The following IL1RAPL2 variants were observed in gnomAD, a reference collection of about 807,000 sequenced individuals.
The protein encoded by IL1RAPL2 is X-linked interleukin-1 receptor accessory protein-like 2.
Under a neutral mutation model 44.1 loss-of-function variants are expected in IL1RAPL2, and 3 were observed. The ratio of observed to expected loss-of-function variants is 0.07; its 90% CI spans 0.03 to 0.18. The LOEUF (loss-of-function observed/expected upper bound fraction) is 0.18, where lower values mean the gene tolerates loss of function less well. Ranked by LOEUF, IL1RAPL2 falls within the 10% of genes least tolerant of loss-of-function variation. The pLI, the probability that IL1RAPL2 is intolerant of heterozygous loss-of-function variation, is 1.00. For synonymous variants in IL1RAPL2, 181 were observed against 178.8 expected, an observed-to-expected ratio of 1.01 and a Z score of -0.10; for missense variants, 391 against 496.4, an observed-to-expected ratio of 0.79 and a Z score of 2.02.
chrX:105,389,454 A>G (rs768758075), intron 5 of IL1RAPL2, among the ~76,000 whole-genome samples: 1 of 112,135 alleles, frequency 8.9e-6, no homozygotes, highest in East Asian at 2.8e-4. Flanking sequence ...TAACTTGATT[A>G]TGTACAGTTG....
At chrX:105,341,799 C>T (rs779384885) in intron 5 of IL1RAPL2, among the ~76,000 whole-genome samples, 30 of 110,292 alleles carry the variant, frequency 2.7e-4, no homozygotes, top group African/African-American at 9.2e-4. Context: ...AGCATGGGGG[C>T]GGGAGCCTGT....
chrX:104,833,931 TGTTG>T (rs369950553), intron 2 of IL1RAPL2, among the ~76,000 whole-genome samples: 2 of 112,152 alleles, frequency 1.8e-5, no homozygotes, highest in Non-Finnish European at 3.8e-5. Context: ...CATTATGTTT[TGTTG>T]GTTGGTTGGT....
intron 5 of IL1RAPL2, among the ~76,000 whole-genome samples, chrX:105,372,215 C>T (rs915931278): frequency 9.0e-6 from 1 of 110,646 alleles, no homozygotes; most frequent in Admixed American, 9.7e-5. Flanking sequence ...GTGGGCAGAT[C>T]ACTTGAGTCC....
intron 2 of IL1RAPL2, among the ~76,000 whole-genome samples, chrX:104,897,089 C>T (rs765517095): frequency 1.8e-5 from 2 of 111,773 alleles, no homozygotes; most frequent in South Asian, 3.8e-4. Flanking sequence ...TCGAAGTCAG[C>T]GAGACCAAGA....
chrX:104,617,281 T>A (rs1281864049), intron 1 of IL1RAPL2, among the ~76,000 whole-genome samples: 1 of 112,096 alleles, frequency 8.9e-6, no homozygotes, highest in East Asian at 2.8e-4. Flanking sequence ...CTGTCTCTTC[T>A]CTAGCCATCT....
Position 104,702,657 on chromosome X carries a change from T to C in IL1RAPL2, c.82+43662T>C, listed in dbSNP as rs190002375. 3.0e-4 allele frequency among the ~76,000 whole-genome samples: 33 copies of C among 111,810 alleles called. No individual in the cohort carries two copies. The East Asian group carries it at 9.4e-3, about 32-fold the overall frequency. On this transcript the variant is annotated intron_variant, in intron 2 of 10. Transcript: ENST00000372582. ...AAAGTTGCCATAATGCTTTGTAGAA[T>C]GTGCTAGTGCACCATCTTGCTTCTG... is the stretch of plus-strand genomic sequence containing the variant.
At chrX:105,276,697 C>T (rs1311255100) in intron 5 of IL1RAPL2, among the ~76,000 whole-genome samples, 8 of 112,293 alleles carry the variant, frequency 7.1e-5, no homozygotes, top group African/African-American at 2.3e-4. Flanking sequence ...CTAAATTCAA[C>T]ATGGGGACTG....
chrX:104,579,755 A>G (rs1391713168), intron 1 of IL1RAPL2, among the ~76,000 whole-genome samples: 1 of 111,866 alleles, frequency 8.9e-6, no homozygotes, highest in African/African-American at 3.3e-5. Flanking sequence ...GCTAAAATAA[A>G]AGTTAGAAAA....
chrX:105,075,484 G>T (rs1485571306), intron 2 of IL1RAPL2, among the ~76,000 whole-genome samples: 7 of 111,620 alleles, frequency 6.3e-5, no homozygotes, highest in Non-Finnish European at 1.3e-4. Flanking sequence ...GTTCATCAAG[G>T]ATATTGGTCT....
chrX:105,500,897 C>A (rs1329016804), intron 6 of IL1RAPL2, among the ~76,000 whole-genome samples: 1 of 111,753 alleles, frequency 8.9e-6, no homozygotes, highest in Admixed American at 9.5e-5. Context: ...CCCAATGATA[C>A]CTTTCCTGAT....
chrX:104,677,666 C>G (rs1046923789), intron 2 of IL1RAPL2, among the ~76,000 whole-genome samples: 2 of 112,634 alleles, frequency 1.8e-5, no homozygotes, highest in Non-Finnish European at 3.8e-5. Flanking sequence ...CTAATCAAGC[C>G]TAGGCAATGG....
At chrX:105,341,879 G>A (rs1231129306) in intron 5 of IL1RAPL2, among the ~76,000 whole-genome samples, 9 of 110,606 alleles carry the variant, frequency 8.1e-5, no homozygotes, top group East Asian at 2.9e-4. Context: ...TGCTGTGAGC[G>A]GAAAGATCTC....
At chrX:104,615,221 T>A (rs973146007) in intron 1 of IL1RAPL2, among the ~76,000 whole-genome samples, 5 of 111,285 alleles carry the variant, frequency 4.5e-5, no homozygotes, top group Non-Finnish European at 9.4e-5. Context: ...TGGAAAATAT[T>A]TTAATTTTAA....
chrX:105,349,275 A>T (rs2035134450), intron 5 of IL1RAPL2, among the ~76,000 whole-genome samples: 1 of 111,775 alleles, frequency 8.9e-6, no homozygotes, highest in East Asian at 2.8e-4. Context: ...TTAAATTGTA[A>T]TCCAGTTAGA....
intron 3 of IL1RAPL2, among the ~76,000 whole-genome samples, chrX:105,225,688 T>A (rs1321607114): frequency 2.7e-5 from 3 of 109,104 alleles, no homozygotes; most frequent in African/African-American, 9.9e-5. Context: ...TATTTTATTT[T>A]ATTTTATTTT....
chrX:105,599,869 A>G (rs1215247950), intron 6 of IL1RAPL2, among the ~76,000 whole-genome samples: 2 of 111,218 alleles, frequency 1.8e-5, no homozygotes, highest in African/African-American at 6.5e-5. Context: ...AAAAATCCAT[A>G]GTGAATAATG....
chrX:105,639,803 C>CA (rs896357472), intron 6 of IL1RAPL2, among the ~76,000 whole-genome samples: 7 of 110,795 alleles, frequency 6.3e-5, no homozygotes, highest in Non-Finnish European at 9.5e-5. Flanking sequence ...AAAAAGGAAA[C>CA]AAAAAACACA....
intron 2 of IL1RAPL2, among the ~76,000 whole-genome samples, chrX:104,917,349 A>G (rs1386182482): frequency 1.8e-5 from 2 of 112,278 alleles, no homozygotes; most frequent in South Asian, 3.7e-4. Flanking sequence ...ACAATTCCTC[A>G]TTAGATTTCT....
rs752196105 is a variant in IL1RAPL2 at position 104,907,171 on chromosome X, C to G, written c.82+248176C>G. ...ATATCCCCTTTATCATTTTTTATTGCATCTATTTGATTCTTCTCTCTCTTT... is the reference window on the plus strand; with the variant it reads ...ATATCCCCTTTATCATTTTTTATTGGATCTATTTGATTCTTCTCTCTCTTT... On this transcript the variant is annotated intron_variant, in intron 2 of 10. Coordinates refer to ENST00000372582, the MANE Select transcript of IL1RAPL2 (RefSeq NM_017416.2). Among the ~76,000 whole-genome samples the G allele has an allele frequency of 7.2e-5, 8 of 111,459 alleles. No homozygotes were observed. In the South Asian group the frequency reaches 1.5e-3, roughly 21 times the overall value.
Sources: allele counts gnomAD v4.1 joint callset (sites outside exome capture counted in the v4.1 genomes callset), GRCh38; gene constraint gnomAD v4.1.1; transcripts MANE v1.5; gene names NCBI Gene and HGNC (gene_info 2026-07-23, HGNC 2026-07-21).